Variants in KIAA0513 observed in about 807,000 individuals in gnomAD.
The protein encoded by KIAA0513 is KIAA0513.
KIAA0513 carries 39 observed loss-of-function variants against 56.5 expected under a neutral mutation model. That is an observed-to-expected ratio of 0.69 (90% CI 0.53 to 0.90). KIAA0513 has a LOEUF of 0.90. Ranked by LOEUF, KIAA0513 falls within the 40% of genes least tolerant of loss-of-function variation. The pLI is 0.00. For missense variants in KIAA0513, 591 were observed against 535.2 expected, an observed-to-expected ratio of 1.10 and a Z score of -1.03; for synonymous variants, 268 against 215.6, an observed-to-expected ratio of 1.24 and a Z score of -2.13.
Position 85,071,863 on chromosome 16 carries a change from C to T in KIAA0513, c.410C>T (p.Ala137Val), listed in dbSNP as rs1380309072. 3 of 1,607,598 alleles carry T rather than the reference C, an allele frequency of 1.9e-6. No homozygotes were observed. Among genetic ancestry groups the T allele is most frequent in the Admixed American group, 1.7e-5 (1 of 59,152 alleles). Residue 137 changes from alanine (A) to valine (V), a missense_variant, in exon 3 of 13, where the codon GCT (alanine) becomes GTT (valine). Coordinates refer to ENST00000683363, the MANE Select transcript of KIAA0513 (RefSeq NM_001388359.1). ...SENGKGREWFARYVSAQRCNS... is the reference protein window; with the variant it reads ...SENGKGREWFVRYVSAQRCNS... ...AATGGAAAAGGCCGGGAGTGGTTTG[C>T]TCGATACGTGAGTGCCCAGGTAAGG...
intron 1 of KIAA0513, among the ~76,000 whole-genome samples, chr16:85,039,066 T>C (rs1184270787): frequency 6.6e-6 from 1 of 152,232 alleles, no homozygotes; most frequent in Non-Finnish European, 1.5e-5. Context: ...GGCTTTTGTC[T>C]CTTTCACCCG....
At position 85,091,448 on chromosome 16, in the gene KIAA0513, A is replaced by G. The variant is rs2073866597; in HGVS notation, c.*3123A>G. The G allele has an allele frequency of 6.6e-6, 1 of 152,180 alleles. No homozygotes were observed. Among genetic ancestry groups the G allele is most frequent in the East Asian group, 1.9e-4 (1 of 5,200 alleles). 9.4% of individuals were successfully genotyped at this position (152,180 alleles called of 1,614,324 possible). ...TAGACTGTATGATTTTCCTATTGCC[A>G]AAAGAAAGAAAGGGGGCCAAACAGC... On this transcript the variant is annotated 3_prime_UTR_variant, in exon 13 of 13. Coordinates refer to ENST00000683363, the MANE Select transcript of KIAA0513 (RefSeq NM_001388359.1).
chr16:85,068,429 T>C (rs577927589), intron 2 of KIAA0513, among the ~76,000 whole-genome samples: 94 of 151,930 alleles, frequency 6.2e-4, no homozygotes, highest in African/African-American at 2.2e-3. Context: ...GCCTCCTGGG[T>C]TCACACCATT....
At chr16:85,039,674 T>C (rs1350020372) in intron 1 of KIAA0513, among the ~76,000 whole-genome samples, 10 of 152,144 alleles carry the variant, frequency 6.6e-5, no homozygotes, top group African/African-American at 2.4e-4. Context: ...GGTTTCGCCA[T>C]GTTGGCCAGG....
At chr16:85,062,634 A>G (rs1385143200) in intron 1 of KIAA0513, among the ~76,000 whole-genome samples, 2 of 152,210 alleles carry the variant, frequency 1.3e-5, no homozygotes, top group Non-Finnish European at 2.9e-5. Context: ...TTTGACTCCC[A>G]GCGTGTTTTG....
Position 85,088,438 on chromosome 16 carries a change from C to A in KIAA0513, c.*113C>A. On this transcript the variant is annotated 3_prime_UTR_variant, in exon 13 of 13. Coordinates refer to ENST00000683363, the MANE Select transcript of KIAA0513 (RefSeq NM_001388359.1). ...TGCATGAAGCCAGCAGCACCCAGAG[C>A]CACTCCTGCTGCCCTAGAACTAGCG... The A allele has an allele frequency of 1.2e-6, 1 of 834,164 alleles. No homozygotes were observed. The highest frequency in any genetic ancestry group is 2.0e-6 in the Non-Finnish European group (1 of 503,506). 51.7% of individuals were successfully genotyped at this position (834,164 alleles called of 1,614,324 possible).
intron 12 of KIAA0513, 63 bp from the exon 13 acceptor site, chr16:85,088,212 AG>A: frequency 6.8e-7 from 1 of 1,464,462 alleles, no homozygotes; most frequent in Admixed American, 1.7e-5. Flanking sequence ...GAGTGACAAG[AG>A]CAGGATATAC....
chr16:85,056,061 C>T (rs75185308), intron 1 of KIAA0513, among the ~76,000 whole-genome samples: 2,437 of 152,352 alleles, frequency 0.016, 62 homozygotes, highest in African/African-American at 0.055. Context: ...GCCTGTGGTT[C>T]AGCCCAGACC....
chr16:85,062,559 G>A (rs1023244420), intron 1 of KIAA0513, among the ~76,000 whole-genome samples: 6 of 152,208 alleles, frequency 3.9e-5, no homozygotes, highest in African/African-American at 1.2e-4. Context: ...CCTGCAGTGG[G>A]CCTCAGTACC....
In KIAA0513 at chr16:85,078,474, C is replaced by T; in HGVS notation, c.823+19C>T. ...AGGGCTGGTGAGTCTGCCCAGGCAG[C>T]AGCAGGAGACGCCCAGCCCACAGCC... is the stretch of plus-strand genomic sequence containing the variant. On this transcript the variant is annotated intron_variant, in intron 7 of 12. Coordinates refer to ENST00000683363, the MANE Select transcript of KIAA0513 (RefSeq NM_001388359.1). 6.2e-7 allele frequency: 1 copy of T among 1,611,862 alleles called. No homozygotes were observed.
chr16:85,029,196 AT>A (rs1008615308), intron 1 of KIAA0513, among the ~76,000 whole-genome samples: 2 of 152,212 alleles, frequency 1.3e-5, no homozygotes, highest in African/African-American at 4.8e-5. Context: ...TTGGCTCGCA[AT>A]GAAAAAGTTG....
At chr16:85,066,814 A>C (rs1324116382) in intron 1 of KIAA0513, 86 bp from the exon 2 acceptor site, 9 of 422,304 alleles carry the variant, frequency 2.1e-5, no homozygotes, top group Non-Finnish European at 3.8e-5. Flanking sequence ...GGAAGAGCAG[A>C]GATTCTCTTT....
intron 1 of KIAA0513, among the ~76,000 whole-genome samples, chr16:85,031,810 T>A (rs2072968487): frequency 6.6e-6 from 1 of 152,216 alleles, no homozygotes. Context: ...CTCTGATCCC[T>A]GCCCACTCAC....
chr16:85,054,377 TCA>T (rs1293005681), intron 1 of KIAA0513, among the ~76,000 whole-genome samples: 1 of 151,972 alleles, frequency 6.6e-6, no homozygotes, highest in Non-Finnish European at 1.5e-5. Context: ...TGAAGTTATC[TCA>T]GTGCCATTGA....
At chr16:85,057,799 T>C (rs2073351071) in intron 1 of KIAA0513, among the ~76,000 whole-genome samples, 1 of 151,738 alleles carries the variant, frequency 6.6e-6, no homozygotes, top group African/African-American at 2.4e-5. Context: ...TCTCTCCTTT[T>C]ACCTTTCCTG....
chr16:85,030,096 C>A (rs1238947810), intron 1 of KIAA0513, among the ~76,000 whole-genome samples: 1 of 152,196 alleles, frequency 6.6e-6, no homozygotes, highest in African/African-American at 2.4e-5. Context: ...TCTTCCACCA[C>A]CTCCCCGGCT....
In KIAA0513 at chr16:85,066,991, C is replaced by T. The variant is rs546858806; in HGVS notation, c.-81C>T. On this transcript the variant is annotated 5_prime_UTR_variant, in exon 2 of 13. The change creates a new upstream start codon in the 5' untranslated region. Coordinates refer to ENST00000683363, the MANE Select transcript of KIAA0513 (RefSeq NM_001388359.1). ...TGTGAGCTTGGTGGGCTCCTACTAA[C>T]GCACCTGGGACACCAGGCTGCTGGG... is the stretch of plus-strand genomic sequence containing the variant. 76 of 1,296,054 alleles carry T rather than the reference C, an allele frequency of 5.9e-5. No homozygotes were observed. The highest frequency in any genetic ancestry group is 2.5e-4 in the South Asian group (17 of 69,130). 80.3% of individuals were successfully genotyped at this position (1,296,054 alleles called of 1,614,324 possible). A position where few individuals can be genotyped will look rare whatever the true frequency, so the allele number is the denominator to read the frequency against.
chr16:85,080,961 C>T (rs1273050698), intron 8 of KIAA0513, among the ~76,000 whole-genome samples: 2 of 152,184 alleles, frequency 1.3e-5, no homozygotes, highest in African/African-American at 4.8e-5. Flanking sequence ...CTTGGGAGTC[C>T]CAACGGGAAA....
At chr16:85,047,002 A>G (rs2073180678) in intron 1 of KIAA0513, among the ~76,000 whole-genome samples, 1 of 152,044 alleles carries the variant, frequency 6.6e-6, no homozygotes, top group African/African-American at 2.4e-5. Flanking sequence ...GTGGTTCTGG[A>G]TTGGTCCTGA....
Sources: gnomAD v4.1 joint callset for allele counts (sites outside exome capture counted in the v4.1 genomes callset) on GRCh38, gnomAD v4.1.1 for gene constraint, MANE v1.5 for transcripts, NCBI Gene and HGNC (gene_info 2026-07-23, HGNC 2026-07-21) for gene names.